The following MAD1L1 variants were observed in gnomAD, a reference collection of about 807,000 sequenced individuals.
MAD1L1 encodes mitotic arrest deficient 1 like 1.
In MAD1L1, 95 loss-of-function variants were observed where a neutral mutation model predicts 96.9. That is an observed-to-expected ratio of 0.98 (90% CI 0.83 to 1.16). The LOEUF (loss-of-function observed/expected upper bound fraction) is 1.16. MAD1L1 is among the 50% of genes most tolerant of loss of function. The pLI is 0.00. For missense variants in MAD1L1, 1,007 were observed against 954.4 expected, an observed-to-expected ratio of 1.06 and a Z score of -0.73; for synonymous variants, 473 against 396.6, an observed-to-expected ratio of 1.19 and a Z score of -2.29.
chr7:2,127,741 C>A (rs1584387764), intron 11 of MAD1L1, among the ~76,000 whole-genome samples: 3 of 152,182 alleles, frequency 2.0e-5, no homozygotes, highest in Admixed American at 2.0e-4. Flanking sequence ...ACCAAAGACC[C>A]CTGCACTCCG....
intron 12 of MAD1L1, among the ~76,000 whole-genome samples, chr7:2,027,464 G>A (rs923677528): frequency 5.3e-5 from 8 of 152,132 alleles, no homozygotes; most frequent in African/African-American, 1.9e-4. Flanking sequence ...TTAACGTACT[G>A]GCAAACCAAA....
intron 5 of MAD1L1, among the ~76,000 whole-genome samples, chr7:2,219,686 G>C (rs1463894235): frequency 6.7e-6 from 1 of 149,374 alleles, no homozygotes; most frequent in African/African-American, 2.5e-5. Context: ...CAGAGGGCAG[G>C]GGGAAGAGGA....
chr7:2,170,501 G>A (rs1244910284), intron 10 of MAD1L1, among the ~76,000 whole-genome samples: 9 of 152,300 alleles, frequency 5.9e-5, no homozygotes, highest in African/African-American at 1.9e-4. Flanking sequence ...AAGCGGGAGA[G>A]CCAGGCAATG....
At chr7:2,045,260 T>C (rs927837038) in intron 12 of MAD1L1, among the ~76,000 whole-genome samples, 1 of 152,132 alleles carries the variant, frequency 6.6e-6, no homozygotes, top group African/African-American at 2.4e-5. Flanking sequence ...AGAGCCCCCG[T>C]ATCCCTGTGA....
At chr7:2,121,270 G>A (rs530987686) in intron 11 of MAD1L1, among the ~76,000 whole-genome samples, 13 of 152,344 alleles carry the variant, frequency 8.5e-5, no homozygotes, top group Admixed American at 1.3e-4. Context: ...GCCCAGATGC[G>A]GCTCCTCCGC....
intron 10 of MAD1L1, among the ~76,000 whole-genome samples, chr7:2,149,800 C>T (rs1208979116): frequency 5.9e-5 from 9 of 152,234 alleles, no homozygotes; most frequent in African/African-American, 1.9e-4. Context: ...TCAAAGTGCA[C>T]CCCGATGATC....
chr7:2,099,893 T>G (rs1456421071), intron 11 of MAD1L1, among the ~76,000 whole-genome samples: 1 of 152,184 alleles, frequency 6.6e-6, no homozygotes, highest in Non-Finnish European at 1.5e-5. Flanking sequence ...CAGGCATGAC[T>G]CAGAAGAACC....
At chr7:2,179,282 C>T (rs770395592) in intron 10 of MAD1L1, among the ~76,000 whole-genome samples, 2 of 152,184 alleles carry the variant, frequency 1.3e-5, no homozygotes, top group Non-Finnish European at 2.9e-5. Context: ...GTAATCCCAG[C>T]ACTTTGGGAG....
intron 12 of MAD1L1, among the ~76,000 whole-genome samples, chr7:2,037,436 C>T (rs1038895268): frequency 6.6e-6 from 1 of 152,148 alleles, no homozygotes; most frequent in African/African-American, 2.4e-5. Flanking sequence ...CTGCCTTCGG[C>T]GAGGCACCAT....
intron 12 of MAD1L1, among the ~76,000 whole-genome samples, chr7:2,047,931 T>A (rs1189727382): frequency 6.6e-6 from 1 of 152,136 alleles, no homozygotes; most frequent in Admixed American, 6.5e-5. Context: ...CACACAGATG[T>A]GCATGCACAG....
chr7:2,092,026 T>C (rs1786241334), intron 11 of MAD1L1, among the ~76,000 whole-genome samples: 1 of 152,210 alleles, frequency 6.6e-6, no homozygotes, highest in South Asian at 2.1e-4. Flanking sequence ...CATCAGGTCA[T>C]ACGATAAGAC....
At chr7:2,101,210 G>A (rs146769288) in intron 11 of MAD1L1, among the ~76,000 whole-genome samples, 78 of 152,294 alleles carry the variant, frequency 5.1e-4, no homozygotes, top group African/African-American at 1.7e-3. Context: ...AAGAGGATGC[G>A]GGCTTTTGTG....
chr7:2,207,373 G>A (rs531625825), intron 10 of MAD1L1, among the ~76,000 whole-genome samples: 15 of 152,260 alleles, frequency 9.9e-5, no homozygotes, highest in African/African-American at 3.1e-4. Flanking sequence ...GTGGTTATCC[G>A]AAACACCAAG....
chr7:2,168,131 A>G (rs1173951076), intron 10 of MAD1L1, among the ~76,000 whole-genome samples: 1 of 151,968 alleles, frequency 6.6e-6, no homozygotes, highest in Non-Finnish European at 1.5e-5. Flanking sequence ...CTAAAAATAC[A>G]AAAATTAGCC....
At chr7:1,875,273 C>T (rs1468414025) in intron 18 of MAD1L1, among the ~76,000 whole-genome samples, 4 of 152,204 alleles carry the variant, frequency 2.6e-5, no homozygotes, top group Admixed American at 2.0e-4. Context: ...CCGAGGCCAG[C>T]TGAGTACCGG....
intron 10 of MAD1L1, among the ~76,000 whole-genome samples, chr7:2,192,018 G>A (rs978437132): frequency 9.3e-5 from 14 of 151,322 alleles, no homozygotes; most frequent in Non-Finnish European, 1.6e-4. Flanking sequence ...GTGACAGAGC[G>A]AGCCTCTGTC....
At chr7:2,228,818 G>A (rs895583079) in intron 3 of MAD1L1, among the ~76,000 whole-genome samples, 1 of 151,412 alleles carries the variant, frequency 6.6e-6, no homozygotes, top group Non-Finnish European at 1.5e-5. Flanking sequence ...TCAGCTCACT[G>A]CAAGCTCTGA....
At chr7:2,125,481 G>A (rs1260003569) in intron 11 of MAD1L1, among the ~76,000 whole-genome samples, 1 of 152,192 alleles carries the variant, frequency 6.6e-6, no homozygotes, top group Non-Finnish European at 1.5e-5. Context: ...CACTCAGGAT[G>A]AGACTGTAAC....
chr7:2,011,734 A>G (rs972930434), intron 13 of MAD1L1, among the ~76,000 whole-genome samples: 9 of 152,146 alleles, frequency 5.9e-5, no homozygotes, highest in Non-Finnish European at 1.0e-4. Context: ...GGGCAGTGGC[A>G]CCTGCACAGG....
Sources: gnomAD v4.1 joint callset for allele counts (sites outside exome capture counted in the v4.1 genomes callset) on GRCh38, gnomAD v4.1.1 for gene constraint, MANE v1.5 for transcripts, NCBI Gene and HGNC (gene_info 2026-07-23, HGNC 2026-07-21) for gene names.